SNAP91: variants seen among roughly 807,000 people sequenced by gnomAD.
The protein encoded by SNAP91 is clathrin coat assembly protein AP180.
A neutral mutation model predicts 100.3 loss-of-function variants in SNAP91; 27 were observed. The ratio of observed to expected loss-of-function variants is 0.27; its 90% confidence interval spans 0.20 to 0.37. SNAP91 has a LOEUF of 0.37. Ranked by LOEUF, SNAP91 falls within the 10% of genes least tolerant of loss-of-function variation. The probability of loss-of-function intolerance (pLI) is 1.00; values close to 1 mark genes in which losing one functional copy is unlikely to be tolerated. For missense variants in SNAP91, 986 were observed against 1,123.7 expected, an observed-to-expected ratio of 0.88 and a Z score of 1.75; for synonymous variants, 404 against 398.6, an observed-to-expected ratio of 1.01 and a Z score of -0.16.
chr6:83,612,974 A>G (rs916835573), intron 11 of SNAP91, among the ~76,000 whole-genome samples: 1 of 152,030 alleles, frequency 6.6e-6, no homozygotes. Context: ...CTTCTTCTAT[A>G]ACATCTTCTA....
At chr6:83,607,653 C>A in intron 13 of SNAP91, 46 bp downstream of exon 13, 1 of 1,245,356 alleles carries the variant, frequency 8.0e-7, no homozygotes. Flanking sequence ...AAACCAAACT[C>A]TAATAAAATA....
intron 3 of SNAP91, among the ~76,000 whole-genome samples, chr6:83,664,670 T>C (rs2098641928): frequency 6.6e-6 from 1 of 152,162 alleles, no homozygotes. Context: ...CTGGTAAAGA[T>C]ACTGTGAACA....
rs2095244223 is a variant in SNAP91, at chr6:83,601,677, G to A, written c.1142-78C>T. On this transcript the variant is annotated intron_variant, in intron 14 of 29. Coordinates refer to ENST00000369694, the MANE Select transcript of SNAP91 (RefSeq NM_001242792.2). ...AACATGCAACCATACCAATGTCCAA[G>A]CCAGATAAGGCACTAACTAAAAAAA... 1.0e-5 allele frequency: 14 copies of A among 1,355,968 alleles called. 1 individual carries two copies. The South Asian group carries it at 1.6e-4, about 15-fold the overall frequency. The allele number at this position is 1,355,968 out of a possible 1,614,324, so 84.0% of individuals were successfully genotyped here.
intron 1 of SNAP91, 21 bp from the exon 2 acceptor site, chr6:83,707,978 C>T (rs1157351012): frequency 2.0e-6 from 3 of 1,524,532 alleles, no homozygotes; most frequent in South Asian, 2.6e-5. Context: ...CAAGGGGAGA[C>T]GGTCCGGCTT....
At chr6:83,665,363 G>A in intron 3 of SNAP91, 76 bp downstream of exon 3, 1 of 1,383,200 alleles carries the variant, frequency 7.2e-7, no homozygotes, top group Non-Finnish European at 9.8e-7. Flanking sequence ...AAAATTCAAA[G>A]AGCCTTAAAT....
chr6:83,696,873 C>T (rs1588013919), intron 2 of SNAP91, among the ~76,000 whole-genome samples: 2 of 152,086 alleles, frequency 1.3e-5, no homozygotes, highest in East Asian at 3.8e-4. Context: ...TTTCCTGGAA[C>T]AATTCTTGGC....
chr6:83,653,919 A>T (rs2098307170), intron 7 of SNAP91, among the ~76,000 whole-genome samples: 1 of 152,146 alleles, frequency 6.6e-6, no homozygotes, highest in African/African-American at 2.4e-5. Flanking sequence ...TTAGGCTCTG[A>T]TAAAATCTCA....
Position 83,594,394 on chromosome 6 carries a change from A to G in SNAP91, c.1412T>C (p.Leu471Pro). ...PATPTPVAAA[L>P]DACSGNDPFA... Reference sequence around the variant, plus strand: ...CCCACCATTTCCTGAACATGCATCAAGTGCTGCTGCTACAGGGGTTGGGGT... The same window carrying G: ...CCCACCATTTCCTGAACATGCATCAGGTGCTGCTGCTACAGGGGTTGGGGT... The change falls in exon 17 of 30, where the codon CTT becomes CCT. Residue 471 changes from leucine (L) to proline (P), a missense_variant. Leu to Pro is a moderately conservative substitution (Grantham distance 98). Coordinates refer to ENST00000369694, the MANE Select transcript of SNAP91 (RefSeq NM_001242792.2). 6.4e-7 allele frequency: 1 copy of G among 1,553,330 alleles called. No homozygotes were observed. The highest frequency in any genetic ancestry group is 8.7e-7 in the Non-Finnish European group (1 of 1,147,684).
At chr6:83,642,678 G>C (rs911539379) in intron 7 of SNAP91, among the ~76,000 whole-genome samples, 33 of 152,200 alleles carry the variant, frequency 2.2e-4, no homozygotes, top group Non-Finnish European at 4.3e-4. Context: ...ATAGCAGCAT[G>C]ATTTATAATC....
At chr6:83,586,581 C>A (rs1301053185) in intron 22 of SNAP91, among the ~76,000 whole-genome samples, 1 of 152,174 alleles carries the variant, frequency 6.6e-6, no homozygotes, top group Non-Finnish European at 1.5e-5. Context: ...CAGTAGTCTG[C>A]CTCTAGCTTT....
chr6:83,648,279 A>G (rs1250682144), intron 7 of SNAP91, among the ~76,000 whole-genome samples: 1 of 152,216 alleles, frequency 6.6e-6, no homozygotes, highest in African/African-American at 2.4e-5. Context: ...TATTACATAA[A>G]TGTAACAGTT....
At chr6:83,637,916 C>G (rs1419324416) in intron 8 of SNAP91, among the ~76,000 whole-genome samples, 3 of 152,164 alleles carry the variant, frequency 2.0e-5, no homozygotes, top group Non-Finnish European at 4.4e-5. Context: ...CGGGGTTAAG[C>G]ACTGGCTGTG....
intron 8 of SNAP91, among the ~76,000 whole-genome samples, chr6:83,631,323 T>C (rs930160704): frequency 6.6e-6 from 1 of 152,188 alleles, no homozygotes; most frequent in Middle Eastern, 3.2e-3. Context: ...CTGTGGTTGA[T>C]GGATGGAATG....
intron 22 of SNAP91, among the ~76,000 whole-genome samples, chr6:83,589,617 T>C (rs2093420373): frequency 6.6e-6 from 1 of 152,178 alleles, no homozygotes; most frequent in Non-Finnish European, 1.5e-5. Context: ...GGTTTCAGCA[T>C]GCAAGACTGT....
intron 11 of SNAP91, 25 bp downstream of exon 11, chr6:83,614,832 A>C: frequency 6.4e-7 from 1 of 1,558,906 alleles, no homozygotes; most frequent in Non-Finnish European, 8.6e-7. Flanking sequence ...CCAAATGCAA[A>C]AAACTCACTC....
chr6:83,667,832 G>A (rs1011250653), intron 2 of SNAP91, among the ~76,000 whole-genome samples: 1 of 152,180 alleles, frequency 6.6e-6, no homozygotes, highest in African/African-American at 2.4e-5. Context: ...TGACAAATGG[G>A]ATCTAATTAA....
intron 7 of SNAP91, among the ~76,000 whole-genome samples, chr6:83,642,945 G>T (rs1268292415): frequency 6.6e-6 from 1 of 152,234 alleles, no homozygotes; most frequent in Non-Finnish European, 1.5e-5. Flanking sequence ...GGCCAGTGAT[G>T]ATGAGCATTT....
At chr6:83,634,798 T>A (rs917283854) in intron 8 of SNAP91, among the ~76,000 whole-genome samples, 1 of 152,196 alleles carries the variant, frequency 6.6e-6, no homozygotes, top group African/African-American at 2.4e-5. Context: ...ACTTTCCTCT[T>A]AAAACTGCCT....
At position 83,659,100 on chromosome 6, in the gene SNAP91, T is replaced by TAAAA; in HGVS notation, c.453-12_453-9dup. ...CTCATTACACCATCGGCCCTACAATTAAAAAAAAAAAAAAGGTACAATTTC... is the reference window on the plus strand; with the variant it reads ...CTCATTACACCATCGGCCCTACAATTAAAAAAAAAAAAAAAAAAGGTACAATTTC... On this transcript the variant is annotated splice_polypyrimidine_tract_variant and intron_variant, in intron 5 of 29. Transcript: ENST00000369694. 1 of 1,424,894 alleles carries TAAAA rather than the reference T, an allele frequency of 7.0e-7. No homozygotes were observed. Among genetic ancestry groups the TAAAA allele is most frequent in the Non-Finnish European group, 9.4e-7 (1 of 1,060,560 alleles). The allele number at this position is 1,424,894 out of a possible 1,614,324, so 88.3% of individuals were successfully genotyped here.
Sources: allele counts gnomAD v4.1 joint callset (sites outside exome capture counted in the v4.1 genomes callset), GRCh38; gene constraint gnomAD v4.1.1; transcripts MANE v1.5; gene names NCBI Gene and HGNC (gene_info 2026-07-23, HGNC 2026-07-21).